The following RBM20 variants were observed in gnomAD, a reference collection of about 807,000 sequenced individuals.
RBM20 encodes the protein RNA binding motif protein 20, also known as RNA-binding protein 20.
Under a neutral mutation model 110.1 loss-of-function variants are expected in RBM20, and 51 were observed. That is an observed-to-expected ratio of 0.46 (90% CI 0.37 to 0.59). The LOEUF (loss-of-function observed/expected upper bound fraction) is 0.59. Among genes scored for constraint, RBM20 ranks in the 20% least tolerant of loss-of-function variants. The pLI, the probability that RBM20 is intolerant of heterozygous loss-of-function variation, is 0.00. For missense variants in RBM20, 1,512 were observed against 1,574.9 expected (o/e 0.96, Z 0.68); for synonymous variants, 589 against 618.2 (o/e 0.95, Z 0.70).
At position 110,644,608 on chromosome 10, in the gene RBM20, C is replaced by A. The variant is rs2134793204; in HGVS notation, c.154C>A (p.Pro52Thr). The change falls in exon 1 of 14, where the codon CCC becomes ACC. Residue 52 changes from proline to threonine, a missense_variant. Pro to Thr is a conservative substitution (Grantham distance 38, BLOSUM62 -1). Coordinates refer to ENST00000369519, the MANE Select transcript of RBM20 (RefSeq NM_001134363.3). The surrounding 1 kb of genome is among the most constrained non-coding windows in gnomAD (Gnocchi z 4.3). ...GCCGCCGCCGCCGCCCCAGCCACCG[C>A]CCCCGCCCCAAGCCGGCCTACCCCA... The part of the protein sequence containing the change: ...QQPPPPPQPP[P>T]PPQAGLPQII... 1.3e-6 allele frequency: 2 copies of A among 1,519,446 alleles called. No individual in the cohort carries two copies. Among genetic ancestry groups the A allele is most frequent in the Non-Finnish European group, 1.8e-6 (2 of 1,137,252 alleles). 94.1% of individuals were successfully genotyped at this position (1,519,446 alleles called of 1,614,324 possible). A position where few individuals can be genotyped will look rare whatever the true frequency, so the allele number is the denominator to read the frequency against.
chr10:110,731,615 C>T (rs1182694051), intron 1 of RBM20, among the ~76,000 whole-genome samples: 2 of 151,446 alleles, frequency 1.3e-5, no homozygotes, highest in Admixed American at 1.3e-4. Context: ...TTTTCAGAAG[C>T]CTTTTATACT....
chr10:110,734,601 C>G (rs895262439), intron 1 of RBM20, among the ~76,000 whole-genome samples: 3 of 147,626 alleles, frequency 2.0e-5, no homozygotes, highest in African/African-American at 7.6e-5. Flanking sequence ...ATCATGGAAC[C>G]AATATAAAAA....
chr10:110,661,019 C>T (rs79180861), intron 1 of RBM20, among the ~76,000 whole-genome samples: 4,015 of 152,212 alleles, frequency 0.026, 49 homozygotes, highest in Admixed American at 0.049. Context: ...TCTCCAATGG[C>T]AGGAGAGTTG....
intron 1 of RBM20, among the ~76,000 whole-genome samples, chr10:110,725,587 T>C (rs1843551818): frequency 6.6e-6 from 1 of 152,194 alleles, no homozygotes; most frequent in Non-Finnish European, 1.5e-5. Flanking sequence ...TTGGCCAGAT[T>C]TGTCTTCTGT....
At chr10:110,759,541 G>A (rs1284511345) in intron 1 of RBM20, among the ~76,000 whole-genome samples, 2 of 152,158 alleles carry the variant, frequency 1.3e-5, no homozygotes, top group South Asian at 2.1e-4. Flanking sequence ...CTCAGGCCAC[G>A]GAAGCCTCTC....
intron 1 of RBM20, among the ~76,000 whole-genome samples, chr10:110,754,020 C>T (rs1159088924): frequency 6.6e-6 from 1 of 152,232 alleles, no homozygotes; most frequent in Non-Finnish European, 1.5e-5. Context: ...AGATCCTCAA[C>T]TTAATCACAC....
Position 110,677,109 on chromosome 10 carries a change from G to A in RBM20, c.191+32464G>A, listed in dbSNP as rs149685165. On this transcript the variant is annotated intron_variant, in intron 1 of 13. Coordinates refer to ENST00000369519, the MANE Select transcript of RBM20 (RefSeq NM_001134363.3). ...TCTGGTAAGGGCCTTCTTGCTGGTGGGAACTCTGTAGAATCCCGAGGTGGC... is the reference window on the plus strand; with the variant it reads ...TCTGGTAAGGGCCTTCTTGCTGGTGAGAACTCTGTAGAATCCCGAGGTGGC... Among the ~76,000 whole-genome samples, 14 of 152,212 alleles carry A rather than the reference G, an allele frequency of 9.2e-5. No individual in the cohort carries two copies. In the East Asian group the frequency reaches 2.7e-3, roughly 29 times the overall value.
At chr10:110,724,754 C>T (rs570851367) in intron 1 of RBM20, among the ~76,000 whole-genome samples, 3 of 152,318 alleles carry the variant, frequency 2.0e-5, no homozygotes, top group African/African-American at 7.2e-5. Flanking sequence ...GGAATGAGAA[C>T]AGTAGGCAAG....
intron 1 of RBM20, among the ~76,000 whole-genome samples, chr10:110,722,016 C>CCTGCCTTTTCT (rs1257816481): frequency 6.6e-6 from 1 of 152,076 alleles, no homozygotes; most frequent in Non-Finnish European, 1.5e-5. Flanking sequence ...TGTCTCTGCC[C>CCTGCCTTTTCT]CTGCCTTTTC....
intron 1 of RBM20, among the ~76,000 whole-genome samples, chr10:110,728,513 C>T (rs139930899): frequency 1.3e-3 from 195 of 152,178 alleles, no homozygotes; most frequent in African/African-American, 4.6e-3. Flanking sequence ...ATTTTTATGC[C>T]TCAGGGTCAA....
chr10:110,686,341 C>T (rs780107490), intron 1 of RBM20, among the ~76,000 whole-genome samples: 2 of 152,026 alleles, frequency 1.3e-5, no homozygotes, highest in Non-Finnish European at 2.9e-5. Context: ...AAGGTCATGG[C>T]TTCCTTCAAG....
At chr10:110,787,291 G>A (rs1844430513) in intron 5 of RBM20, among the ~76,000 whole-genome samples, 1 of 152,250 alleles carries the variant, frequency 6.6e-6, no homozygotes, top group Non-Finnish European at 1.5e-5. Context: ...GACAGTGGGA[G>A]CAAGGCTTGG....
At chr10:110,687,672 C>T (rs1243105293) in intron 1 of RBM20, among the ~76,000 whole-genome samples, 1 of 152,204 alleles carries the variant, frequency 6.6e-6, no homozygotes, top group Non-Finnish European at 1.5e-5. Flanking sequence ...TGTTCTCCCA[C>T]TGCGTTGCTG....
chr10:110,774,862 T>C (rs975369172), intron 1 of RBM20, among the ~76,000 whole-genome samples: 4 of 152,134 alleles, frequency 2.6e-5, no homozygotes, highest in Non-Finnish European at 5.9e-5. Context: ...TGTCCCTCTC[T>C]AGTTCATATT....
chr10:110,784,570 C>T, intron 4 of RBM20, 138 bp downstream of exon 4: 1 of 749,478 alleles, frequency 1.3e-6, no homozygotes, highest in Admixed American at 2.1e-5. Context: ...TCCCAAGACA[C>T]TAAAATGCAT....
In RBM20 at chr10:110,752,941, ATATATT is replaced by A. The variant is rs1345495323; in HGVS notation, c.192-27858_192-27853del. Among the ~76,000 whole-genome samples the A allele has an allele frequency of 8.8e-3, 811 of 92,282 alleles. 5 individuals carry two copies. Among genetic ancestry groups the A allele is most frequent in the Middle Eastern group, 0.016 (3 of 188 alleles). 60.5% of individuals were successfully genotyped at this position (92,282 alleles called of 152,430 possible). The stretch of plus-strand genomic sequence containing the variant: ...TATACATATATATATATATATATAT[ATATATT>A]TTTTTTTTTTTTATGAAGTCTCCCT... On this transcript the variant is annotated intron_variant, in intron 1 of 13. Coordinates refer to ENST00000369519, the MANE Select transcript of RBM20 (RefSeq NM_001134363.3).
At chr10:110,692,566 C>T (rs1430459705) in intron 1 of RBM20, among the ~76,000 whole-genome samples, 1 of 152,036 alleles carries the variant, frequency 6.6e-6, no homozygotes, top group Non-Finnish European at 1.5e-5. Context: ...TGTAAAAATG[C>T]AACTGATTTT....
At chr10:110,733,525 T>C (rs752306530) in intron 1 of RBM20, among the ~76,000 whole-genome samples, 1 of 152,254 alleles carries the variant, frequency 6.6e-6, no homozygotes, top group Non-Finnish European at 1.5e-5. Flanking sequence ...GTGGTTACTA[T>C]GAATAGAATT....
At position 110,820,104 on chromosome 10, in the gene RBM20, A is replaced by T; in HGVS notation, c.2583A>T (p.Glu861Asp). 1.3e-6 allele frequency: 2 copies of T among 1,551,294 alleles called. No homozygotes were observed. The highest frequency in any genetic ancestry group is 8.7e-7 in the Non-Finnish European group (1 of 1,146,672). ...AGKEEQEGMEESPQSVGRQEK... is the reference protein window; with the variant it reads ...AGKEEQEGMEDSPQSVGRQEK... ...AAGAGGAACAGGAGGGCATGGAAGAAAGCCCTCAATCAGTGGGCAGACAGG... is the reference window on the plus strand; with the variant it reads ...AAGAGGAACAGGAGGGCATGGAAGATAGCCCTCAATCAGTGGGCAGACAGG... The change falls in exon 10 of 14, where the codon GAA becomes GAT. Residue 861 changes from glutamate to aspartate, a missense_variant. Coordinates refer to ENST00000369519, the MANE Select transcript of RBM20 (RefSeq NM_001134363.3).
Sources: allele counts gnomAD v4.1 joint callset (sites outside exome capture counted in the v4.1 genomes callset), GRCh38; gene constraint gnomAD v4.1.1; non-coding constraint Gnocchi (gnomAD v3.1); transcripts MANE v1.5; gene names NCBI Gene and HGNC (gene_info 2026-07-23, HGNC 2026-07-21).